Variants in LSAMP observed in about 807,000 individuals in gnomAD.
LSAMP encodes the protein limbic system-associated membrane protein.
LSAMP carries 7 observed loss-of-function variants against 38.6 expected under a neutral mutation model. The observed-to-expected ratio is 0.18, with a 90% confidence interval of 0.10 to 0.34. The LOEUF is 0.34. Among genes scored for constraint, LSAMP ranks in the 10% least tolerant of loss-of-function variants. The pLI is 1.00. For missense variants in LSAMP, 313 were observed against 420.0 expected (o/e 0.75, Z 2.23); for synonymous variants, 154 against 166.8 (o/e 0.92, Z 0.59).
chr3:115,818,819 T>TATATATATATATATATATATATAA, intron 6 of LSAMP, among the ~76,000 whole-genome samples: 1 of 126,648 alleles, frequency 7.9e-6, no homozygotes, highest in Admixed American at 8.1e-5. Flanking sequence ...TATATATATA[T>TATATATATATATATATATATATAA]ATAACTGCAG....
At chr3:115,856,757 T>C (rs1935521306) in intron 3 of LSAMP, among the ~76,000 whole-genome samples, 1 of 152,200 alleles carries the variant, frequency 6.6e-6, no homozygotes, top group South Asian at 2.1e-4. Flanking sequence ...GCTGGCACCC[T>C]GATCTTGGAC....
intron 6 of LSAMP, among the ~76,000 whole-genome samples, chr3:115,831,023 T>C (rs1389278765): frequency 4.6e-5 from 7 of 152,202 alleles, no homozygotes; most frequent in Non-Finnish European, 8.8e-5. Flanking sequence ...TAAACTTTAA[T>C]TTTGGGAGTG....
intron 1 of LSAMP, among the ~76,000 whole-genome samples, chr3:116,157,892 G>A (rs1161139783): frequency 6.6e-6 from 1 of 151,934 alleles, no homozygotes; most frequent in Admixed American, 6.6e-5. Context: ...ACCTGGCAGA[G>A]ACACAATAAA....
intron 3 of LSAMP, among the ~76,000 whole-genome samples, chr3:115,979,224 T>C (rs58845567): frequency 0.23 from 35,037 of 151,580 alleles, 4,465 homozygotes; most frequent in African/African-American, 0.35. Flanking sequence ...CAGAATAAGT[T>C]GGTCGTATTG....
chr3:116,292,997 C>CTATT (rs748536224), intron 1 of LSAMP, among the ~76,000 whole-genome samples: 2 of 152,184 alleles, frequency 1.3e-5, no homozygotes, highest in African/African-American at 2.4e-5. Flanking sequence ...ATTTCTTTCT[C>CTATT]TATTTATTTC....
chr3:115,992,165 G>A (rs932450070), intron 3 of LSAMP, among the ~76,000 whole-genome samples: 1 of 152,002 alleles, frequency 6.6e-6, no homozygotes, highest in African/African-American at 2.4e-5. Context: ...ACTTTGGATT[G>A]TTATTGCCAG....
At chr3:116,048,250 A>G (rs118072299) in intron 2 of LSAMP, among the ~76,000 whole-genome samples, 1 of 152,360 alleles carries the variant, frequency 6.6e-6, no homozygotes, top group East Asian at 1.9e-4. Context: ...GTTAACAAAC[A>G]TATATATCTT....
At chr3:116,397,494 C>G (rs2048784224) in intron 1 of LSAMP, among the ~76,000 whole-genome samples, 1 of 150,054 alleles carries the variant, frequency 6.7e-6, no homozygotes, top group Non-Finnish European at 1.5e-5. Context: ...ATAATATTTA[C>G]TTATTTATTT....
intron 1 of LSAMP, among the ~76,000 whole-genome samples, chr3:116,347,155 C>T (rs2048073944): frequency 6.6e-6 from 1 of 152,106 alleles, no homozygotes; most frequent in African/African-American, 2.4e-5. Flanking sequence ...CATTAAAGTG[C>T]TGATACTTTT....
intron 1 of LSAMP, among the ~76,000 whole-genome samples, chr3:116,397,225 G>C (rs1050931623): frequency 4.6e-5 from 7 of 152,046 alleles, no homozygotes; most frequent in African/African-American, 1.4e-4. Context: ...TTGATTTCAT[G>C]TATTTTCTCC....
At chr3:115,884,972 T>G (rs150233142) in intron 3 of LSAMP, among the ~76,000 whole-genome samples, 1 of 152,004 alleles carries the variant, frequency 6.6e-6, no homozygotes, top group Non-Finnish European at 1.5e-5. Context: ...ATAGGTAGTA[T>G]GTACAAAATA....
chr3:115,838,270 T>G (rs1476398606), intron 6 of LSAMP: 1 of 152,262 alleles, frequency 6.6e-6, no homozygotes, highest in African/African-American at 2.4e-5. Flanking sequence ...ACCTTTAAAT[T>G]ATCACCCATC....
At chr3:116,224,012 T>TAA (rs910639962) in intron 1 of LSAMP, among the ~76,000 whole-genome samples, 1 of 146,870 alleles carries the variant, frequency 6.8e-6, no homozygotes, top group African/African-American at 2.5e-5. Flanking sequence ...TGAACTTTCT[T>TAA]AAAAAAAAAA....
Position 116,299,289 on chromosome 3 carries a change from G to A in LSAMP, c.155+145588C>T, listed in dbSNP as rs74470709. Among the ~76,000 whole-genome samples the A allele has an allele frequency of 3.7e-4, 56 of 152,308 alleles. No individual in the cohort carries two copies. The East Asian group carries it at 9.8e-3, about 27-fold the overall frequency. On this transcript the variant is annotated intron_variant, in intron 1 of 6. Transcript: ENST00000490035. ...GTCACTGATGTATAATCTGAGACAG[G>A]TAGAGCCTAAAGGAGACAGAGTCTC...
rs540846652 is a variant in LSAMP, at chr3:116,115,670, C to T, written c.156-29114G>A. On this transcript the variant is annotated intron_variant, in intron 1 of 6. Coordinates refer to ENST00000490035, the MANE Select transcript of LSAMP (RefSeq NM_002338.5). ...ATCAATTAAAAGTGAAGGCAAAAAA[C>T]AAAAAACAAAACAAAAAAAACTTTG... is the stretch of plus-strand genomic sequence containing the variant. Among the ~76,000 whole-genome samples the T allele has an allele frequency of 3.9e-3, 588 of 151,348 alleles. 3 individuals are homozygous for T. Among genetic ancestry groups the T allele is most frequent in the African/African-American group, 0.014 (568 of 41,406 alleles).
At chr3:116,268,818 A>C (rs1358080521) in intron 1 of LSAMP, among the ~76,000 whole-genome samples, 3 of 152,054 alleles carry the variant, frequency 2.0e-5, no homozygotes, top group Non-Finnish European at 4.4e-5. Flanking sequence ...AGGATGAAGG[A>C]CAGCTTGGTA....
At chr3:116,281,635 T>A (rs2047128606) in intron 1 of LSAMP, among the ~76,000 whole-genome samples, 1 of 152,292 alleles carries the variant, frequency 6.6e-6, no homozygotes, top group Admixed American at 6.5e-5. Context: ...TAAAATGCTA[T>A]TACTATTATT....
At chr3:115,947,438 A>T (rs148806252) in intron 3 of LSAMP, among the ~76,000 whole-genome samples, 13 of 152,298 alleles carry the variant, frequency 8.5e-5, no homozygotes, top group Non-Finnish European at 1.9e-4. Flanking sequence ...GAAAGAGTAC[A>T]CACTATGAAT....
At chr3:116,203,803 T>G (rs147107240) in intron 1 of LSAMP, among the ~76,000 whole-genome samples, 1 of 152,054 alleles carries the variant, frequency 6.6e-6, no homozygotes, top group East Asian at 1.9e-4. Context: ...TCTATTATTG[T>G]TGGACATTTG....
Sources: gnomAD v4.1 joint callset for allele counts (sites outside exome capture counted in the v4.1 genomes callset) on GRCh38, gnomAD v4.1.1 for gene constraint, MANE v1.5 for transcripts, NCBI Gene and HGNC (gene_info 2026-07-23, HGNC 2026-07-21) for gene names.